ADCY5: variants seen among roughly 807,000 people sequenced by gnomAD.
ADCY5 encodes adenylate cyclase type 5.
In ADCY5, 30 loss-of-function variants were observed where a neutral mutation model predicts 119.7. The observed-to-expected ratio is 0.25, with a 90% CI of 0.19 to 0.34. ADCY5 has a LOEUF of 0.34. Ranked by LOEUF, ADCY5 falls within the 10% of genes least tolerant of loss-of-function variation. The pLI is 1.00. For missense variants in ADCY5, 1,324 were observed against 1,775.2 expected (o/e 0.75, Z 4.57); for synonymous variants, 753 against 762.2 (o/e 0.99, Z 0.20).
chr3:123,314,196 G>T, intron 12 of ADCY5, 39 bp downstream of exon 12: 1 of 1,539,882 alleles, frequency 6.5e-7, no homozygotes, highest in Non-Finnish European at 9.0e-7. Context: ...AGAGAAGCGG[G>T]AAGAAGGTGG....
At chr3:123,353,122 T>G (rs1356016131) in intron 1 of ADCY5, among the ~76,000 whole-genome samples, 1 of 152,118 alleles carries the variant, frequency 6.6e-6, no homozygotes, top group Non-Finnish European at 1.5e-5. Flanking sequence ...ATGGCCACAG[T>G]GGGTCTCCAC....
chr3:123,389,663 A>C (rs1944344658), intron 1 of ADCY5, among the ~76,000 whole-genome samples: 1 of 152,114 alleles, frequency 6.6e-6, no homozygotes, highest in South Asian at 2.1e-4. Flanking sequence ...TGTGACAAGC[A>C]GATGAGAGGG....
At position 123,291,160 on chromosome 3, in the gene ADCY5, C is replaced by A. The variant is rs772948325; in HGVS notation, c.3280G>T (p.Val1094Phe). The A allele has an allele frequency of 6.2e-7, 1 of 1,614,060 alleles. No homozygotes were observed. Among genetic ancestry groups the A allele is most frequent in the South Asian group, 1.1e-5 (1 of 91,080 alleles). ...TCATTGAGTAGCCGCAGGCACTCGA[C>A]ACCCTCGTTGTTGGCCTCCAGCTCA... Reference protein sequence around the residue: ...YVELEANNEGVECLRLLNEII... With the variant: ...YVELEANNEGFECLRLLNEII... The change falls in exon 18 of 21, where the codon GTC (valine) becomes TTC (phenylalanine). Residue 1094 changes from valine to phenylalanine, a missense_variant. Val to Phe is a conservative substitution (Grantham distance 50). This residue lies in a region of ADCY5 where 178 missense variants were observed against 329.6 expected (regional missense o/e 0.54). Transcript: ENST00000462833.
At chr3:123,314,687 AT>A (rs1401208053) in intron 11 of ADCY5, among the ~76,000 whole-genome samples, 1 of 152,200 alleles carries the variant, frequency 6.6e-6, no homozygotes, top group African/African-American at 2.4e-5. Flanking sequence ...GATGTGCTTC[AT>A]TTAGCTTGGA....
chr3:123,297,240 C>T, intron 16 of ADCY5, 113 bp downstream of exon 16: 2 of 1,472,014 alleles, frequency 1.4e-6, no homozygotes, highest in Non-Finnish European at 1.9e-6. Flanking sequence ...TTGGCCTTCT[C>T]CTTCACTACC....
At chr3:123,428,850 G>A (rs1945463780) in intron 1 of ADCY5, among the ~76,000 whole-genome samples, 2 of 152,278 alleles carry the variant, frequency 1.3e-5, no homozygotes, top group East Asian at 3.9e-4. Flanking sequence ...ATTTTTAAAC[G>A]GAGTTCCTGG....
At chr3:123,436,788 A>G (rs1945625620) in intron 1 of ADCY5, among the ~76,000 whole-genome samples, 1 of 152,204 alleles carries the variant, frequency 6.6e-6, no homozygotes, top group Non-Finnish European at 1.5e-5. Context: ...TCCAGCAACC[A>G]ATCAGCTGTT....
chr3:123,389,096 G>A (rs1944323686), intron 1 of ADCY5, among the ~76,000 whole-genome samples: 1 of 152,182 alleles, frequency 6.6e-6, no homozygotes, highest in Non-Finnish European at 1.5e-5. Flanking sequence ...CCTTGGGCAG[G>A]AGAAGGAACT....
chr3:123,348,759 C>T (rs922503379), intron 2 of ADCY5, among the ~76,000 whole-genome samples: 2 of 152,170 alleles, frequency 1.3e-5, no homozygotes, highest in African/African-American at 4.8e-5. Context: ...CCCGGGCCTG[C>T]CCTTCTCCAA....
At chr3:123,368,220 G>T (rs1202879781) in intron 1 of ADCY5, among the ~76,000 whole-genome samples, 1 of 152,230 alleles carries the variant, frequency 6.6e-6, no homozygotes, top group Non-Finnish European at 1.5e-5. Flanking sequence ...TGCTAACACG[G>T]TACAGGTGTA....
chr3:123,351,812 G>T (rs1036032819), intron 2 of ADCY5, among the ~76,000 whole-genome samples: 3 of 152,216 alleles, frequency 2.0e-5, no homozygotes, highest in African/African-American at 4.8e-5. Context: ...CCCAAGAGTG[G>T]TGCACACAGG....
chr3:123,353,716 G>A lies in ADCY5; in HGVS notation c.1135-1135C>T, dbSNP rs76707680. On this transcript the variant is annotated intron_variant, in intron 1 of 20. Transcript: ENST00000462833. The stretch of plus-strand genomic sequence containing the variant: ...ATCCCAAAGAGTCTTGCTGTGGGAC[G>A]TCGGCTGCCTGGCAGTGGCCCTGGC... Among the ~76,000 whole-genome samples the A allele has an allele frequency of 3.2e-3, 495 of 152,310 alleles. 4 individuals carry two copies. The highest frequency in any genetic ancestry group is 0.011 in the African/African-American group (460 of 41,554).
rs113566464 is a variant in ADCY5, at chr3:123,289,907, G to A, written c.3375C>T (p.Ile1125=). Residue 1125 remains isoleucine, a synonymous_variant, in exon 19 of 21, where the codon ATC becomes ATT. Transcript: ENST00000462833. ...RFRQLEKIKT[I]GSTYMAASGL... ...CGGAGGCAGCCATGTAGGTGCTGCC[G>A]ATGGTCTTGATCTTCTCCAGCTGCC... The A allele has an allele frequency of 6.0e-4, 969 of 1,614,198 alleles. 10 individuals are homozygous for A. The African/African-American group carries it at 0.011, about 19-fold the overall frequency.
chr3:123,388,268 G>A (rs896318686), intron 1 of ADCY5, among the ~76,000 whole-genome samples: 5 of 152,190 alleles, frequency 3.3e-5, no homozygotes, highest in African/African-American at 1.2e-4. Context: ...GGAGGTTGGA[G>A]GAATGGAGGG....
At chr3:123,316,357 T>C (rs760871522) in intron 11 of ADCY5, among the ~76,000 whole-genome samples, 2 of 152,256 alleles carry the variant, frequency 1.3e-5, no homozygotes, top group Non-Finnish European at 2.9e-5. Context: ...ACATGCGACA[T>C]GGGATCCTGA....
chr3:123,355,334 A>G (rs1943002295), intron 1 of ADCY5, among the ~76,000 whole-genome samples: 1 of 152,232 alleles, frequency 6.6e-6, no homozygotes, highest in Non-Finnish European at 1.5e-5. Context: ...TAAAATTTTT[A>G]AAGGTATAGT....
At chr3:123,318,458 C>A (rs1941040596) in intron 10 of ADCY5, among the ~76,000 whole-genome samples, 1 of 152,116 alleles carries the variant, frequency 6.6e-6, no homozygotes, top group Admixed American at 6.5e-5. Context: ...TCATCCAGCA[C>A]CCCCACAACA....
At chr3:123,405,808 T>C (rs1040017772) in intron 1 of ADCY5, among the ~76,000 whole-genome samples, 1 of 152,118 alleles carries the variant, frequency 6.6e-6, no homozygotes, top group Non-Finnish European at 1.5e-5. Context: ...CTGGTTTTTG[T>C]ATCTTTAGTA....
At chr3:123,287,714 G>A (rs1388794727) in intron 19 of ADCY5, among the ~76,000 whole-genome samples, 1 of 152,150 alleles carries the variant, frequency 6.6e-6, no homozygotes, top group Non-Finnish European at 1.5e-5. Flanking sequence ...TATACCCCAT[G>A]TGCCATCACC....
Sources: gnomAD v4.1 joint callset for allele counts (sites outside exome capture counted in the v4.1 genomes callset) on GRCh38, gnomAD v4.1.1 for gene constraint, gnomAD v4.1.1 regional missense constraint, MANE v1.5 for transcripts, NCBI Gene and HGNC (gene_info 2026-07-23, HGNC 2026-07-21) for gene names.